The following TAF2 variants were observed in gnomAD, a reference collection of about 807,000 sequenced individuals.
TAF2 encodes TATA-box binding protein associated factor 2, also known as transcription initiation factor TFIID subunit 2.
Under a neutral mutation model 138.5 loss-of-function variants are expected in TAF2, and 61 were observed. The ratio of observed to expected loss-of-function variants is 0.44; its 90% CI spans 0.36 to 0.54. TAF2 has a LOEUF of 0.54. Ranked by LOEUF, TAF2 falls within the 20% of genes least tolerant of loss-of-function variation. The pLI, the probability that TAF2 is intolerant of heterozygous loss-of-function variation, is 0.00. For synonymous variants in TAF2, 475 were observed against 469.9 expected, an observed-to-expected ratio of 1.01 and a Z score of -0.14; for missense variants, 1,090 against 1,427.9, an observed-to-expected ratio of 0.76 and a Z score of 3.81.
In TAF2 at chr8:119,731,528, C is replaced by T; in HGVS notation, c.*396G>A. The T allele has an allele frequency of 4.2e-6, 1 of 236,188 alleles. No homozygotes were observed. The highest frequency in any genetic ancestry group is 8.4e-6 in the Non-Finnish European group (1 of 118,722). 14.6% of individuals were successfully genotyped at this position (236,188 alleles called of 1,614,324 possible). ...GATAGTGGTTGCACCACAGATTTGG[C>T]AGTTGCTTCTGTGTAAATCATAACT... On this transcript the variant is annotated 3_prime_UTR_variant, in exon 26 of 26. Coordinates refer to ENST00000378164, the MANE Select transcript of TAF2 (RefSeq NM_003184.4).
intron 22 of TAF2, 46 bp from the exon 23 acceptor site, chr8:119,746,980 C>T (rs1188404449): frequency 4.4e-6 from 7 of 1,584,436 alleles, no homozygotes; most frequent in Non-Finnish European, 6.1e-6. Context: ...CACATTGATT[C>T]ATACATTTTA....
At chr8:119,775,715 T>G (rs190254296) in intron 18 of TAF2, among the ~76,000 whole-genome samples, 8 of 151,450 alleles carry the variant, frequency 5.3e-5, no homozygotes, top group African/African-American at 1.7e-4. Flanking sequence ...AAAAGAATAA[T>G]AAATAAATAA....
intron 8 of TAF2, among the ~76,000 whole-genome samples, chr8:119,796,268 A>G (rs1287604403): frequency 6.6e-6 from 1 of 152,094 alleles, no homozygotes; most frequent in Admixed American, 6.6e-5. Flanking sequence ...CTACAAATCA[A>G]GAGATCTATC....
At chr8:119,758,908 G>A (rs1317776491) in intron 20 of TAF2, among the ~76,000 whole-genome samples, 2 of 151,992 alleles carry the variant, frequency 1.3e-5, no homozygotes, top group Non-Finnish European at 2.9e-5. Context: ...ATTTAGACAC[G>A]GACAAAAGTG....
rs368237103 is a variant in TAF2, at chr8:119,732,147, G to C, written c.3377C>G (p.Ala1126Gly). 1 of 1,614,136 alleles carries C rather than the reference G, an allele frequency of 6.2e-7. No homozygotes were observed. Among genetic ancestry groups the C allele is most frequent in the South Asian group, 1.1e-5 (1 of 91,082 alleles). ...AAAGACTGAGAGTGGAGCGCTTGCC[G>C]CTGGATGCATACTCATCTCCAAAGG... ...QAPLEMSMHP[A>G]ASAPLSVFTK... is the part of the protein sequence containing the mutation. Residue 1126 changes from alanine (A) to glycine (G), a missense_variant, in exon 26 of 26, where the codon GCG becomes GGG. By Grantham distance (60) the Ala-to-Gly change is moderately conservative. Around this residue, in one of 3 missense-constraint regions of TAF2, gnomAD observed 580 missense variants for 719.6 expected, o/e 0.81. Transcript: ENST00000378164.
rs767182511 is a variant in TAF2, at chr8:119,795,565, A to G, written c.1158T>C (p.Phe386=). The change falls in exon 9 of 26, where the codon TTT becomes TTC. Residue 386 remains phenylalanine (F), a synonymous_variant. Transcript: ENST00000378164. ...TCCAATGGCGGTACTCATTAACACC[A>G]AAAGTTTTTTTCATCCAAAGTCCAT... The part of the protein sequence containing the change: ...YIYGLWMKKT[F]GVNEYRHWIK... 2.3e-5 allele frequency: 37 copies of G among 1,613,794 alleles called. No homozygotes were observed. Among genetic ancestry groups the G allele is most frequent in the Non-Finnish European group, 3.1e-5 (37 of 1,179,798 alleles).
chr8:119,771,266 C>T (rs539475295), intron 18 of TAF2, among the ~76,000 whole-genome samples: 2 of 152,062 alleles, frequency 1.3e-5, no homozygotes, highest in East Asian at 2.0e-4. Flanking sequence ...GACAGGTTCT[C>T]GCTCTGTTGC....
intron 18 of TAF2, among the ~76,000 whole-genome samples, chr8:119,766,708 C>T (rs771369862): frequency 2.0e-5 from 3 of 152,038 alleles, no homozygotes; most frequent in Non-Finnish European, 4.4e-5. Context: ...GTGGTGGATG[C>T]CTGTAATCCC....
intron 3 of TAF2, among the ~76,000 whole-genome samples, chr8:119,819,004 C>T (rs2131254932): frequency 6.6e-6 from 1 of 152,182 alleles, no homozygotes; most frequent in East Asian, 1.9e-4. Flanking sequence ...CTACAGATTA[C>T]AGTGACCATC....
chr8:119,815,859 C>A (rs1349224089), intron 3 of TAF2, among the ~76,000 whole-genome samples: 1 of 151,954 alleles, frequency 6.6e-6, no homozygotes. Context: ...AATAGTAAAG[C>A]AAAAAGACAG....
At chr8:119,732,308 G>A in intron 25 of TAF2, 122 bp from the exon 26 acceptor site, 1 of 857,580 alleles carries the variant, frequency 1.2e-6, no homozygotes, top group South Asian at 1.4e-5. Context: ...CTTCTATCAG[G>A]AATGGGAGAA....
At chr8:119,779,172 T>C (rs1232776797) in intron 17 of TAF2, among the ~76,000 whole-genome samples, 1 of 151,888 alleles carries the variant, frequency 6.6e-6, no homozygotes, top group Non-Finnish European at 1.5e-5. Context: ...GAAAGGTGAA[T>C]TGGTATAAAA....
chr8:119,812,845 C>G (rs1586515328), intron 3 of TAF2, among the ~76,000 whole-genome samples: 1 of 151,878 alleles, frequency 6.6e-6, no homozygotes, highest in East Asian at 1.9e-4. Flanking sequence ...ATCCACTCAT[C>G]AGTTAAATGT....
At chr8:119,795,938 T>C (rs1823793380) in intron 8 of TAF2, among the ~76,000 whole-genome samples, 1 of 152,144 alleles carries the variant, frequency 6.6e-6, no homozygotes, top group Non-Finnish European at 1.5e-5. Context: ...CTGTTCTTAC[T>C]GTCTCTGCCT....
chr8:119,807,561 G>T (rs987509722), intron 3 of TAF2, among the ~76,000 whole-genome samples: 2 of 152,208 alleles, frequency 1.3e-5, no homozygotes, highest in Admixed American at 6.5e-5. Flanking sequence ...CTGCCATCCT[G>T]CCGTTAGGTG....
At chr8:119,768,464 C>G (rs972275940) in intron 18 of TAF2, among the ~76,000 whole-genome samples, 3 of 148,394 alleles carry the variant, frequency 2.0e-5, no homozygotes, top group Non-Finnish European at 4.5e-5. Context: ...TATTGAAAAA[C>G]TCCTTATTTT....
Position 119,742,423 on chromosome 8 carries a change from T to A in TAF2, c.3337+111A>T, listed in dbSNP as rs1287242517. ...TCAATGTATTACAAGAAAAGCCAAGTCCTAAGATCTGTATTTTTAAAGGGT... is the reference window on the plus strand; with the variant it reads ...TCAATGTATTACAAGAAAAGCCAAGACCTAAGATCTGTATTTTTAAAGGGT... On this transcript the variant is annotated intron_variant, in intron 25 of 25. Coordinates refer to ENST00000378164, the MANE Select transcript of TAF2 (RefSeq NM_003184.4). The A allele has an allele frequency of 2.9e-6, 4 of 1,393,284 alleles. No homozygotes were observed. In the Admixed American group the frequency reaches 6.2e-5, roughly 21 times the overall value. 86.3% of individuals were successfully genotyped at this position (1,393,284 alleles called of 1,614,324 possible). A position where few individuals can be genotyped will look rare whatever the true frequency, so the allele number is the denominator to read the frequency against.
At chr8:119,824,107 G>A (rs1030003515) in intron 2 of TAF2, among the ~76,000 whole-genome samples, 10 of 152,128 alleles carry the variant, frequency 6.6e-5, no homozygotes, top group Non-Finnish European at 1.5e-4. Context: ...GCATAAAAGT[G>A]TGGAAAATTT....
At chr8:119,736,721 A>C (rs1819245522) in intron 25 of TAF2, among the ~76,000 whole-genome samples, 1 of 152,236 alleles carries the variant, frequency 6.6e-6, no homozygotes, top group Non-Finnish European at 1.5e-5. Context: ...TAATGAATTA[A>C]GGAATCTAGT....
Sources: allele counts gnomAD v4.1 joint callset (sites outside exome capture counted in the v4.1 genomes callset), GRCh38; gene constraint gnomAD v4.1.1; regional missense constraint gnomAD v4.1.1; transcripts MANE v1.5; gene names NCBI Gene and HGNC (gene_info 2026-07-23, HGNC 2026-07-21).